BRIP1: variants seen among roughly 807,000 people sequenced by gnomAD.
The protein encoded by BRIP1 is BRCA1 interacting DNA helicase 1, also known as Fanconi anemia group J protein.
Under a neutral mutation model 119.7 loss-of-function variants are expected in BRIP1, and 88 were observed. The ratio of observed to expected loss-of-function variants is 0.74; its 90% CI spans 0.62 to 0.88. BRIP1 has a LOEUF of 0.88. Among genes scored for constraint, BRIP1 ranks in the 40% least tolerant of loss-of-function variants. BRIP1 has a pLI of 0.00. For synonymous variants in BRIP1, 443 were observed against 496.5 expected (o/e 0.89, Z 1.43); for missense variants, 1,259 against 1,455.4 (o/e 0.87, Z 2.20).
At position 61,726,872 on chromosome 17, in the gene BRIP1, A is replaced by T. The variant is rs556030900; in HGVS notation, c.2380-10809T>A. Among the ~76,000 whole-genome samples the T allele has an allele frequency of 6.6e-6, 1 of 152,352 alleles. No homozygotes were observed. The highest frequency in any genetic ancestry group is 2.4e-5 in the African/African-American group (1 of 41,586). ...TGAGAATGAGTGCATGATTGGTACC[A>T]TATTAGTCTAAATATTATTTTATTC... On this transcript the variant is annotated intron_variant, in intron 16 of 19. Transcript: ENST00000259008. The surrounding 1 kb of genome is among the most constrained non-coding windows in gnomAD (Gnocchi z 6.2).
rs777653224 is a variant in BRIP1 at position 61,801,381 on chromosome 17, C to G, written c.1012G>C (p.Glu338Gln). The change falls in exon 8 of 20, where the codon GAA becomes CAA. Residue 338 changes from glutamate (E) to glutamine (Q), a missense_variant. Glu to Gln is a conservative substitution (Grantham distance 29). Transcript: ENST00000259008. ...TTCTTCCCCAGGCTGACAAGTTCTT[C>G]TATATCCCAGGCTTTGCACATCCCT... Reference protein sequence around the residue: ...FQGMCKAWDIEELVSLGKKLK... With the variant: ...FQGMCKAWDIQELVSLGKKLK... 1 of 1,613,964 alleles carries G rather than the reference C, an allele frequency of 6.2e-7. No individual in the cohort carries two copies. The highest frequency in any genetic ancestry group is 1.1e-5 in the South Asian group (1 of 91,084).
rs2076905301 is a variant in BRIP1, at chr17:61,735,536, C to A, written c.2379+7477G>T. On this transcript the variant is annotated intron_variant, in intron 16 of 19. Coordinates refer to ENST00000259008, the MANE Select transcript of BRIP1 (RefSeq NM_032043.3). The surrounding 1 kb of genome is among the most constrained non-coding windows in gnomAD (Gnocchi z 4.4). ...AGGCACGGTGGCTCACACTTGTAAT[C>A]CCAGCACTTTGGGAGGCTGACGCGG... Among the ~76,000 whole-genome samples the A allele has an allele frequency of 6.6e-6, 1 of 151,980 alleles. No individual in the cohort carries two copies. Among genetic ancestry groups the A allele is most frequent in the African/African-American group, 2.4e-5 (1 of 41,348 alleles).
chr17:61,737,516 C>T (rs2144628448), intron 16 of BRIP1, among the ~76,000 whole-genome samples: 1 of 152,056 alleles, frequency 6.6e-6, no homozygotes, highest in Non-Finnish European at 1.5e-5. Context: ...GCACAGGCAA[C>T]AAACAAACAA....
chr17:61,854,683 G>A (rs940318069), intron 4 of BRIP1, among the ~76,000 whole-genome samples: 84 of 146,768 alleles, frequency 5.7e-4, no homozygotes, highest in Non-Finnish European at 1.0e-3. Flanking sequence ...CTCCAGCCTG[G>A]GCAAGAGTGA....
chr17:61,859,238 T>TC (rs35201028), intron 3 of BRIP1, among the ~76,000 whole-genome samples: 22 of 151,322 alleles, frequency 1.5e-4, no homozygotes, highest in East Asian at 3.9e-4. Flanking sequence ...TTAAAGGATT[T>TC]CCCCCCCCAA....
chr17:61,787,743 T>C lies in BRIP1; in HGVS notation c.1474-3319A>G, dbSNP rs960823225. Among the ~76,000 whole-genome samples, 71 of 152,128 alleles carry C rather than the reference T, an allele frequency of 4.7e-4. 1 individual carries two copies. Among genetic ancestry groups the C allele is most frequent in the African/African-American group, 1.6e-3 (66 of 41,520 alleles). ...CACTGCAAGCTCCGCCTCCCAGGTT[T>C]GCGCCATTCTCCTGCCTCAGCCTCC... On this transcript the variant is annotated intron_variant, in intron 10 of 19. Coordinates refer to ENST00000259008, the MANE Select transcript of BRIP1 (RefSeq NM_032043.3).
Position 61,799,207 on chromosome 17 carries a change from T to A in BRIP1, c.1233A>T (p.Thr411=). The part of the protein sequence containing the change: ...CARESASYSV[T]EVQLRFARDE... ...CCCGAGCAAACCGAAGCTGAACTTC[T>A]GTTACACTGTAACTTGCTGATTCCC... is the stretch of plus-strand genomic sequence containing the variant. Residue 411 remains threonine, a synonymous_variant, in exon 9 of 20, where the codon ACA becomes ACT. Coordinates refer to ENST00000259008, the MANE Select transcript of BRIP1 (RefSeq NM_032043.3). The surrounding 1 kb of genome is among the most constrained non-coding windows in gnomAD (Gnocchi z 5.1). 1 of 1,613,516 alleles carries A rather than the reference T, an allele frequency of 6.2e-7. No homozygotes were observed. The highest frequency in any genetic ancestry group is 8.5e-7 in the Non-Finnish European group (1 of 1,179,522).
rs2061365014 is a variant in BRIP1 at position 61,686,382 on chromosome 17, A to C, written c.2576-217T>G. ...TTCTCTTTATATACAGTAATTGTCA[A>C]ATGGAGAGAGCAAAGAGGCAGTAGA... On this transcript the variant is annotated intron_variant, in intron 18 of 19. Transcript: ENST00000259008. This position sits in a 1 kb window ranked among gnomAD's most constrained non-coding sequence, Gnocchi z 5.4. Among the ~76,000 whole-genome samples, 1 of 152,168 alleles carries C rather than the reference A, an allele frequency of 6.6e-6. No homozygotes were observed. Among genetic ancestry groups the C allele is most frequent in the South Asian group, 2.1e-4 (1 of 4,830 alleles).
At position 61,834,056 on chromosome 17, in the gene BRIP1, T is replaced by C. The variant is rs1478012747; in HGVS notation, c.627+13045A>G. Among the ~76,000 whole-genome samples the C allele has an allele frequency of 6.6e-6, 1 of 152,140 alleles. No homozygotes were observed. Among genetic ancestry groups the C allele is most frequent in the African/African-American group, 2.4e-5 (1 of 41,420 alleles). ...AAAATGCGTTCAAAAAAACTTTATT[T>C]ATAAAAGCAGGCAGCAGGCTGTATT... is the stretch of plus-strand genomic sequence containing the variant. On this transcript the variant is annotated intron_variant, in intron 6 of 19. Coordinates refer to ENST00000259008, the MANE Select transcript of BRIP1 (RefSeq NM_032043.3). The surrounding 1 kb of genome is among the most constrained non-coding windows in gnomAD (Gnocchi z 4.4).
Position 61,862,174 on chromosome 17 carries a change from T to C in BRIP1, c.-30-605A>G, listed in dbSNP as rs2078982520. ...TCAGGTATGTTATCTTTGACATATCTTTTTACTTCTCTAGTCTAAGATCCT... is the reference window on the plus strand; with the variant it reads ...TCAGGTATGTTATCTTTGACATATCCTTTTACTTCTCTAGTCTAAGATCCT... On this transcript the variant is annotated intron_variant, in intron 1 of 19. Transcript: ENST00000259008. The surrounding 1 kb of genome is among the most constrained non-coding windows in gnomAD (Gnocchi z 5.3). The C allele has an allele frequency of 6.5e-6, 1 of 153,554 alleles. No homozygotes were observed. The highest frequency in any genetic ancestry group is 2.4e-5 in the African/African-American group (1 of 41,464). The allele number at this position is 153,554 out of a possible 1,614,324, so 9.5% of individuals were successfully genotyped here.
rs2077048211 is a variant in BRIP1 at position 61,745,615 on chromosome 17, A to G, written c.2098-1024T>C. 1.3e-5 allele frequency among the ~76,000 whole-genome samples: 2 copies of G among 152,198 alleles called. No homozygotes were observed. The highest frequency in any genetic ancestry group is 4.1e-4 in the South Asian group (2 of 4,832). On this transcript the variant is annotated intron_variant, in intron 14 of 19. Coordinates refer to ENST00000259008, the MANE Select transcript of BRIP1 (RefSeq NM_032043.3). This position sits in a 1 kb window ranked among gnomAD's most constrained non-coding sequence, Gnocchi z 4.4. Reference sequence around the variant, plus strand: ...AACTTCTGGTCTCAAGGGATCCTCCAGACTCAGCCTTCCACAGTGCTGAAA... The same window carrying G: ...AACTTCTGGTCTCAAGGGATCCTCCGGACTCAGCCTTCCACAGTGCTGAAA...
At chr17:61,801,572 C>T in intron 7 of BRIP1, 98 bp from the exon 8 acceptor site, 1 of 1,195,552 alleles carries the variant, frequency 8.4e-7, no homozygotes, top group South Asian at 1.2e-5. Flanking sequence ...ATTAAAGCCA[C>T]AAGGCTAAGA....
chr17:61,818,887 T>C (rs553769910), intron 6 of BRIP1, among the ~76,000 whole-genome samples: 15 of 152,126 alleles, frequency 9.9e-5, no homozygotes, highest in Non-Finnish European at 2.2e-4. Context: ...TTCATCCCAA[T>C]TAAAATGGCT....
At chr17:61,859,030 C>A (rs1337312183) in intron 3 of BRIP1, among the ~76,000 whole-genome samples, 2 of 140,852 alleles carry the variant, frequency 1.4e-5, no homozygotes, top group Admixed American at 7.3e-5. Flanking sequence ...CACTATGCTC[C>A]ATCCCAGGTG....
chr17:61,839,618 C>T (rs369009407), intron 6 of BRIP1, among the ~76,000 whole-genome samples: 20 of 152,026 alleles, frequency 1.3e-4, no homozygotes, highest in African/African-American at 4.6e-4. Flanking sequence ...CAGTGTCACA[C>T]TAGTGAAATG....
rs907399857 is a variant in BRIP1, at chr17:61,701,346, A to G, written c.2493-7834T>C. On this transcript the variant is annotated intron_variant, in intron 17 of 19. Coordinates refer to ENST00000259008, the MANE Select transcript of BRIP1 (RefSeq NM_032043.3). This position sits in a 1 kb window ranked among gnomAD's most constrained non-coding sequence, Gnocchi z 5.1. ...ATAATCTTGTAAAGTCTGTATTGTC[A>G]TGTGTGGTCATTGAAGACTGCTCGA... 2.6e-5 allele frequency among the ~76,000 whole-genome samples: 4 copies of G among 152,188 alleles called. No individual in the cohort carries two copies. Among genetic ancestry groups the G allele is most frequent in the African/African-American group, 7.2e-5 (3 of 41,444 alleles).
At chr17:61,727,110 G>A (rs1303148097) in intron 16 of BRIP1, among the ~76,000 whole-genome samples, 1 of 152,212 alleles carries the variant, frequency 6.6e-6, no homozygotes, top group African/African-American at 2.4e-5. Flanking sequence ...GCAGGTGACA[G>A]AGACCTACTT....
chr17:61,774,000 A>T (rs2144998975), intron 14 of BRIP1, among the ~76,000 whole-genome samples: 1 of 152,342 alleles, frequency 6.6e-6, no homozygotes, highest in South Asian at 2.1e-4. Flanking sequence ...AGTATAAATT[A>T]GTTCAACCAT....
rs186802750 is a variant in BRIP1, at chr17:61,857,212, G to A, written c.225C>T (p.Gly75=). ...QSLSGKPADE[G]VSEKAEVQLS... ...ATTGTACTTCAGCTTTTTCACTTAC[G>A]CCCTCATCTGCTGGTTTCCCTAAAA... The change falls in exon 4 of 20, where the codon GGC becomes GGT. Residue 75 remains glycine (G), a synonymous_variant. Coordinates refer to ENST00000259008, the MANE Select transcript of BRIP1 (RefSeq NM_032043.3). The surrounding 1 kb of genome is among the most constrained non-coding windows in gnomAD (Gnocchi z 5.1). The A allele has an allele frequency of 2.9e-5, 47 of 1,613,512 alleles. No individual in the cohort carries two copies. The East Asian group carries it at 1.0e-3, about 36-fold the overall frequency.
Sources: allele counts gnomAD v4.1 joint callset (sites outside exome capture counted in the v4.1 genomes callset), GRCh38; gene constraint gnomAD v4.1.1; non-coding constraint Gnocchi (gnomAD v3.1); transcripts MANE v1.5; gene names NCBI Gene and HGNC (gene_info 2026-07-23, HGNC 2026-07-21).